The following DLGAP1 variants were observed in gnomAD, a reference collection of about 807,000 sequenced individuals.
The protein encoded by DLGAP1 is DLG associated protein 1, also known as disks large-associated protein 1.
In DLGAP1, 11 loss-of-function variants were observed where a neutral mutation model predicts 90.8. The observed-to-expected ratio is 0.12, with a 90% CI of 0.08 to 0.20. The LOEUF (loss-of-function observed/expected upper bound fraction) is 0.20. Ranked by LOEUF, DLGAP1 falls within the 10% of genes least tolerant of loss-of-function variation. DLGAP1 has a pLI of 1.00. For synonymous variants in DLGAP1, 558 were observed against 540.7 expected (o/e 1.03, Z -0.44); for missense variants, 1,050 against 1,333.8 (o/e 0.79, Z 3.31).
intron 5 of DLGAP1, among the ~76,000 whole-genome samples, chr18:3,752,573 TCTTTC>T (rs1475518432): frequency 7.6e-6 from 1 of 131,166 alleles, no homozygotes; most frequent in Non-Finnish European, 1.6e-5. Flanking sequence ...TCTTTCTCTT[TCTTTC>T]TTCTCTCTCT....
chr18:3,977,619 G>A (rs1008000990), intron 3 of DLGAP1: 1 of 220,080 alleles, frequency 4.5e-6, no homozygotes, highest in Non-Finnish European at 9.0e-6. Context: ...TTGTGCTCTC[G>A]CTGGGGCTGG....
intron 2 of DLGAP1, among the ~76,000 whole-genome samples, chr18:4,011,034 G>A (rs1419637894): frequency 2.0e-5 from 3 of 151,854 alleles, no homozygotes; most frequent in Non-Finnish European, 2.9e-5. Flanking sequence ...AAATTAGCCG[G>A]TCGTGGTAAT....
chr18:4,254,085 T>C (rs912799693), intron 1 of DLGAP1, among the ~76,000 whole-genome samples: 1 of 152,134 alleles, frequency 6.6e-6, no homozygotes, highest in Non-Finnish European at 1.5e-5. Context: ...TCTCCCACAT[T>C]GTACTATGTC....
chr18:3,668,350 T>A (rs187309392), intron 7 of DLGAP1, among the ~76,000 whole-genome samples: 1 of 152,288 alleles, frequency 6.6e-6, no homozygotes, highest in African/African-American at 2.4e-5. Context: ...TCTCACACTG[T>A]CATCCAGGCT....
chr18:3,877,966 C>T (rs895304504), intron 4 of DLGAP1, among the ~76,000 whole-genome samples: 3 of 152,172 alleles, frequency 2.0e-5, no homozygotes, highest in Non-Finnish European at 4.4e-5. Context: ...TCTGGCACTG[C>T]CCTTGTCCAG....
intron 1 of DLGAP1, among the ~76,000 whole-genome samples, chr18:4,387,624 T>C (rs1456321950): frequency 2.0e-5 from 3 of 152,154 alleles, no homozygotes; most frequent in South Asian, 2.1e-4. Flanking sequence ...TAAATGCACA[T>C]ACAGCAGAAG....
intron 1 of DLGAP1, among the ~76,000 whole-genome samples, chr18:4,413,837 G>A (rs184251190): frequency 1.4e-4 from 22 of 152,252 alleles, no homozygotes; most frequent in Admixed American, 1.2e-3. Flanking sequence ...ATCAAGCTGG[G>A]CCATCATGAT....
chr18:3,696,754 A>C (rs1355181411), intron 7 of DLGAP1, among the ~76,000 whole-genome samples: 1 of 152,164 alleles, frequency 6.6e-6, no homozygotes, highest in Non-Finnish European at 1.5e-5. Flanking sequence ...ATTGTTTGGA[A>C]TAGTTTCAGA....
chr18:3,909,848 AT>A (rs1291425058), intron 3 of DLGAP1, among the ~76,000 whole-genome samples: 3 of 152,050 alleles, frequency 2.0e-5, no homozygotes, highest in African/African-American at 7.2e-5. Context: ...TACCTACATA[AT>A]TTTCTCTTGC....
At chr18:4,122,407 TC>T (rs1179624268) in intron 2 of DLGAP1, among the ~76,000 whole-genome samples, 1 of 152,180 alleles carries the variant, frequency 6.6e-6, no homozygotes, top group Non-Finnish European at 1.5e-5. Flanking sequence ...AAAGGCCTTT[TC>T]CGCCACGATT....
chr18:3,619,897 G>A (rs2146012752), intron 7 of DLGAP1, among the ~76,000 whole-genome samples: 1 of 151,752 alleles, frequency 6.6e-6, no homozygotes, highest in East Asian at 2.0e-4. Context: ...GCGCACTACA[G>A]CCTTGACCTC....
chr18:3,925,536 G>A (rs1047843446), intron 3 of DLGAP1, among the ~76,000 whole-genome samples: 2 of 151,880 alleles, frequency 1.3e-5, no homozygotes, highest in African/African-American at 4.8e-5. Context: ...CATATTTTCA[G>A]GAAAATGAAA....
At chr18:4,384,149 AAAGT>A (rs768864933) in intron 1 of DLGAP1, among the ~76,000 whole-genome samples, 31 of 152,172 alleles carry the variant, frequency 2.0e-4, no homozygotes, top group Non-Finnish European at 3.1e-4. Context: ...TGGATAATGA[AAAGT>A]AAATGTTTAA....
chr18:4,112,279 A>C (rs2075988173), intron 2 of DLGAP1, among the ~76,000 whole-genome samples: 1 of 152,140 alleles, frequency 6.6e-6, no homozygotes, highest in East Asian at 1.9e-4. Context: ...GTGGTAAGAA[A>C]AAATAATTTT....
chr18:4,070,194 G>A (rs1401150756), intron 2 of DLGAP1, among the ~76,000 whole-genome samples: 3 of 152,036 alleles, frequency 2.0e-5, no homozygotes, highest in African/African-American at 7.2e-5. Context: ...TGTTGGCTAC[G>A]TTGGTCCTGA....
intron 2 of DLGAP1, among the ~76,000 whole-genome samples, chr18:4,042,525 G>A (rs8098659): frequency 0.24 from 36,781 of 152,082 alleles, 5,447 homozygotes; most frequent in African/African-American, 0.42. Flanking sequence ...ATCACCTGAT[G>A]TCAGGAGTTC....
intron 1 of DLGAP1, among the ~76,000 whole-genome samples, chr18:4,431,510 G>C (rs1337819968): frequency 6.6e-6 from 1 of 152,118 alleles, no homozygotes; most frequent in African/African-American, 2.4e-5. Context: ...TTCAAATAAT[G>C]GTTTAAAACG....
At chr18:3,717,418 C>T (rs936727378) in intron 7 of DLGAP1, among the ~76,000 whole-genome samples, 6 of 152,130 alleles carry the variant, frequency 3.9e-5, no homozygotes, top group Non-Finnish European at 7.3e-5. Context: ...AGAAAGAACA[C>T]GAAGTGGATG....
chr18:3,893,442 G>C (rs1383168559), intron 3 of DLGAP1, among the ~76,000 whole-genome samples: 2 of 151,940 alleles, frequency 1.3e-5, no homozygotes, highest in East Asian at 1.9e-4. Context: ...AGCTGGGCCT[G>C]GTGATGGGTG....
Sources: allele counts gnomAD v4.1 joint callset (sites outside exome capture counted in the v4.1 genomes callset), GRCh38; gene constraint gnomAD v4.1.1; transcripts MANE v1.5; gene names NCBI Gene and HGNC (gene_info 2026-07-23, HGNC 2026-07-21).